Variants in RGS8 observed in about 807,000 individuals in gnomAD.
RGS8 encodes regulator of G-protein signaling 8.
RGS8 carries 8 observed loss-of-function variants against 21.7 expected under a neutral mutation model. The observed-to-expected ratio is 0.37, with a 90% CI of 0.22 to 0.66. The LOEUF is 0.66. Among genes scored for constraint, RGS8 ranks in the 30% least tolerant of loss-of-function variants. The pLI is 0.59. For synonymous variants in RGS8, 80 were observed against 83.6 expected, an observed-to-expected ratio of 0.96 and a Z score of 0.24; for missense variants, 157 against 217.9, an observed-to-expected ratio of 0.72 and a Z score of 1.76.
chr1:182,729,996 GA>G, the RGS8 span, among the ~76,000 whole-genome samples: 4 of 152,250 alleles, frequency 2.6e-5, no homozygotes, highest in East Asian at 7.7e-4. Context: ...GGCTGGTGAA[GA>G]AAAAAGTTTC....
the RGS8 span, among the ~76,000 whole-genome samples, chr1:182,725,937 G>C: frequency 3.3e-5 from 5 of 152,198 alleles, no homozygotes; most frequent in Non-Finnish European, 7.3e-5. Flanking sequence ...ACATTTTAAA[G>C]GGTGCAGTAT....
chr1:182,742,747 G>C, the RGS8 span, among the ~76,000 whole-genome samples: 24 of 150,412 alleles, frequency 1.6e-4, no homozygotes, highest in Middle Eastern at 3.4e-3. Flanking sequence ...GGGAGAGGGA[G>C]AGGGACAGGG....
chr1:182,730,194 G>A, the RGS8 span, among the ~76,000 whole-genome samples: 1 of 152,072 alleles, frequency 6.6e-6, no homozygotes, highest in Non-Finnish European at 1.5e-5. Context: ...CCACCAAGGA[G>A]CCCTGACTCC....
chr1:182,719,557 A>G, the RGS8 span, among the ~76,000 whole-genome samples: 1 of 149,704 alleles, frequency 6.7e-6, no homozygotes, highest in Admixed American at 6.7e-5. Flanking sequence ...CAGCCTCCTG[A>G]GTAGGTGCGA....
the RGS8 span, among the ~76,000 whole-genome samples, chr1:182,707,839 G>A: frequency 1.3e-5 from 2 of 151,866 alleles, no homozygotes; most frequent in Non-Finnish European, 2.9e-5. Context: ...CCCGAGTGGC[G>A]GGGACTACAG....
At chr1:182,704,575 A>G in the RGS8 span, among the ~76,000 whole-genome samples, 1 of 152,256 alleles carries the variant, frequency 6.6e-6, no homozygotes, top group Non-Finnish European at 1.5e-5. Context: ...GTGGCTCCAC[A>G]GTACTAACCC....
intron 5 of RGS8, among the ~76,000 whole-genome samples, chr1:182,664,612 G>A (rs536989737): frequency 2.6e-5 from 4 of 152,270 alleles, no homozygotes; most frequent in Admixed American, 2.0e-4. Flanking sequence ...AAAAAAAATA[G>A]CATTACTGCA....
chr1:182,663,972 T>C (rs1418351153), intron 5 of RGS8, among the ~76,000 whole-genome samples: 2 of 152,220 alleles, frequency 1.3e-5, no homozygotes, highest in African/African-American at 4.8e-5. Context: ...ACCTGTCAGC[T>C]TGTAACTCCT....
intron 5 of RGS8, among the ~76,000 whole-genome samples, chr1:182,656,279 C>T (rs4651128): frequency 0.76 from 114,926 of 152,044 alleles, 43,502 homozygotes; most frequent in Non-Finnish European, 0.78. Flanking sequence ...AAAGGAGAGA[C>T]GGACTGTAAG....
At chr1:182,740,323 G>C in the RGS8 span, among the ~76,000 whole-genome samples, 7 of 152,178 alleles carry the variant, frequency 4.6e-5, no homozygotes, top group Non-Finnish European at 4.4e-5. Context: ...ATACCAGTTA[G>C]TAATAGCTAA....
At chr1:182,733,762 A>G in the RGS8 span, 11 of 152,176 alleles carry the variant, frequency 7.2e-5, no homozygotes, top group Non-Finnish European at 1.2e-4. Flanking sequence ...ACTGTCCAAT[A>G]AAATTAGGAA....
At chr1:182,682,664 T>C (rs1664574514) in intron 1 of RGS8, among the ~76,000 whole-genome samples, 1 of 152,124 alleles carries the variant, frequency 6.6e-6, no homozygotes, top group Admixed American at 6.5e-5. Flanking sequence ...TGGCCCTGAG[T>C]GGAGGGCCCA....
At chr1:182,691,554 C>T in the RGS8 span, among the ~76,000 whole-genome samples, 7,425 of 130,788 alleles carry the variant, frequency 0.057, 406 homozygotes, top group East Asian at 0.19. Context: ...ACCACATGAT[C>T]ATCTCAATAG....
At chr1:182,644,481 T>C (rs895420848), downstream of RGS8, 3 of 152,208 alleles carry the variant, frequency 2.0e-5, no homozygotes. Context: ...CACCTCCCCA[T>C]TGTGGGAGGA....
At chr1:182,721,040 C>CACATATATATGTGTGTAT in the RGS8 span, among the ~76,000 whole-genome samples, 3 of 72,862 alleles carry the variant, frequency 4.1e-5, no homozygotes, top group South Asian at 4.2e-4. Flanking sequence ...TGTATATATA[C>CACATATATATGTGTGTAT]ATATACATAC....
the RGS8 span, among the ~76,000 whole-genome samples, chr1:182,728,892 G>C: frequency 6.6e-6 from 1 of 152,130 alleles, no homozygotes; most frequent in South Asian, 2.1e-4. Context: ...TGCATGCTGG[G>C]CTTAATACCT....
the RGS8 span, among the ~76,000 whole-genome samples, chr1:182,710,954 G>A: frequency 6.6e-6 from 1 of 152,146 alleles, no homozygotes; most frequent in South Asian, 2.1e-4. Context: ...AGGGCAATAA[G>A]CATCAAGAAA....
chr1:182,744,332 C>T, the RGS8 span, among the ~76,000 whole-genome samples: 1 of 152,070 alleles, frequency 6.6e-6, no homozygotes. Flanking sequence ...ACTATGTTGC[C>T]CAGGCTGGTG....
chr1:182,746,156 C>CA, the RGS8 span, among the ~76,000 whole-genome samples: 9 of 152,184 alleles, frequency 5.9e-5, no homozygotes, highest in African/African-American at 2.2e-4. Context: ...GGTTTTCAGA[C>CA]CCCCTCTCCA....
Sources: gnomAD v4.1 joint callset for allele counts (sites outside exome capture counted in the v4.1 genomes callset) on GRCh38, gnomAD v4.1.1 for gene constraint, MANE v1.5 for transcripts, NCBI Gene and HGNC (gene_info 2026-07-23, HGNC 2026-07-21) for gene names.